Variants in SLMAP observed in about 807,000 individuals in gnomAD.
The protein encoded by SLMAP is sarcolemma associated protein, also known as sarcolemmal membrane-associated protein.
Under a neutral mutation model 128.8 loss-of-function variants are expected in SLMAP, and 44 were observed. The observed-to-expected ratio is 0.34, with a 90% confidence interval of 0.27 to 0.44. The LOEUF (loss-of-function observed/expected upper bound fraction) is 0.44, where lower values mean the gene tolerates loss of function less well. SLMAP is among the 20% of genes least tolerant of loss of function. The pLI is 1.00. For synonymous variants in SLMAP, 327 were observed against 348.8 expected (o/e 0.94, Z 0.70); for missense variants, 787 against 985.3 (o/e 0.80, Z 2.69).
At chr3:57,859,624 A>G (rs1486969981) in intron 8 of SLMAP, among the ~76,000 whole-genome samples, 1 of 152,146 alleles carries the variant, frequency 6.6e-6, no homozygotes, top group Non-Finnish European at 1.5e-5. Context: ...ACCAAATACC[A>G]CATGTTCTCA....
intron 2 of SLMAP, among the ~76,000 whole-genome samples, chr3:57,827,475 C>T (rs1055123822): frequency 6.6e-6 from 1 of 152,178 alleles, no homozygotes; most frequent in African/African-American, 2.4e-5. Context: ...CAGGGGTAAA[C>T]CTTTCAATTC....
intron 22 of SLMAP, chr3:57,918,474 T>G (rs2096855209): frequency 6.6e-6 from 1 of 152,234 alleles, no homozygotes; most frequent in Non-Finnish European, 1.5e-5. Context: ...TGCAGCACAT[T>G]TAAAAATATG....
intron 2 of SLMAP, among the ~76,000 whole-genome samples, chr3:57,829,764 A>G (rs2093205951): frequency 6.6e-6 from 1 of 152,210 alleles, no homozygotes; most frequent in South Asian, 2.1e-4. Context: ...CTACCAATTA[A>G]TGAAATGAAA....
At chr3:57,869,588 A>T (rs945994313) in intron 13 of SLMAP, among the ~76,000 whole-genome samples, 1 of 139,342 alleles carries the variant, frequency 7.2e-6, no homozygotes, top group Non-Finnish European at 1.5e-5. Context: ...GTGAATAACT[A>T]CTGCACTTGA....
chr3:57,923,573 A>G (rs1335998738), intron 23 of SLMAP, among the ~76,000 whole-genome samples: 1 of 152,098 alleles, frequency 6.6e-6, no homozygotes, highest in African/African-American at 2.4e-5. Context: ...TTTGTTTTTC[A>G]TTTGCTAGAA....
In SLMAP at chr3:57,828,729, C is replaced by T. The variant is rs188168712; in HGVS notation, c.199-2654C>T. On this transcript the variant is annotated intron_variant, in intron 2 of 24. Coordinates refer to ENST00000671191, the MANE Select transcript of SLMAP (RefSeq NM_001377540.1). Reference sequence around the variant, plus strand: ...CAAAGGTACCATGGTATGCTTTGGACGGTAATATAGACATGTCAGAATGAA... The same window carrying T: ...CAAAGGTACCATGGTATGCTTTGGATGGTAATATAGACATGTCAGAATGAA... Among the ~76,000 whole-genome samples the T allele has an allele frequency of 2.2e-3, 340 of 152,020 alleles. 2 individuals are homozygous for T. The highest frequency in any genetic ancestry group is 3.7e-3 in the Non-Finnish European group (249 of 67,970).
chr3:57,909,224 C>A, intron 19 of SLMAP, 74 bp downstream of exon 19: 1 of 1,081,130 alleles, frequency 9.2e-7, no homozygotes, highest in Non-Finnish European at 1.4e-6. Flanking sequence ...GAATGGAGGC[C>A]AGGCGCAGTG....
At position 57,928,529 on chromosome 3, in the gene SLMAP, T is replaced by C. The variant is rs1408408881; in HGVS notation, c.*1240T>C. 6.6e-6 allele frequency: 1 copy of C among 152,206 alleles called. No individual in the cohort carries two copies. The highest frequency in any genetic ancestry group is 1.9e-4 in the East Asian group (1 of 5,198). The allele number at this position is 152,206 out of a possible 1,614,324, so 9.4% of individuals were successfully genotyped here. A position where few individuals can be genotyped will look rare whatever the true frequency, so the allele number is the denominator to read the frequency against. On this transcript the variant is annotated 3_prime_UTR_variant, in exon 25 of 25. Transcript: ENST00000671191. ...AGTGTTCTATGCACAATGAAGCACC[T>C]AAAAACACTGCTTGATATTATAAAT... is the stretch of plus-strand genomic sequence containing the variant.
At chr3:57,869,185 C>T (rs766632839) in intron 13 of SLMAP, among the ~76,000 whole-genome samples, 4 of 150,512 alleles carry the variant, frequency 2.7e-5, no homozygotes, top group Admixed American at 6.7e-5. Flanking sequence ...GTCTGATGTT[C>T]GAGGACAGGA....
Position 57,823,887 on chromosome 3 carries a change from T to C in SLMAP, c.199-7496T>C, listed in dbSNP as rs893413636. Among the ~76,000 whole-genome samples, 3 of 152,318 alleles carry C rather than the reference T, an allele frequency of 2.0e-5. No individual in the cohort carries two copies. The East Asian group carries it at 5.8e-4, about 29-fold the overall frequency. On this transcript the variant is annotated intron_variant, in intron 2 of 24. Coordinates refer to ENST00000671191, the MANE Select transcript of SLMAP (RefSeq NM_001377540.1). ...CACATCCTCTCCAGCACCTGTTGTT[T>C]CCTGACATTTTAATGATCGCCATTC...
chr3:57,866,202 G>A (rs1219891423), intron 13 of SLMAP, among the ~76,000 whole-genome samples: 2 of 152,116 alleles, frequency 1.3e-5, no homozygotes, highest in Non-Finnish European at 1.5e-5. Flanking sequence ...AGCCCAGGAG[G>A]TTGAGGCAGC....
At chr3:57,848,978 G>C (rs907015239) in intron 5 of SLMAP, among the ~76,000 whole-genome samples, 1 of 151,812 alleles carries the variant, frequency 6.6e-6, no homozygotes, top group Non-Finnish European at 1.5e-5. Context: ...CAAAGTGCTG[G>C]GATTACAGGC....
At chr3:57,807,669 A>C (rs1391009009) in intron 2 of SLMAP, among the ~76,000 whole-genome samples, 1 of 152,116 alleles carries the variant, frequency 6.6e-6, no homozygotes, top group Non-Finnish European at 1.5e-5. Context: ...AAGCTTTTTG[A>C]TGTGCTGCTG....
At chr3:57,880,169 TTTTTG>T (rs74656522) in intron 14 of SLMAP, among the ~76,000 whole-genome samples, 5,666 of 148,058 alleles carry the variant, frequency 0.038, 216 homozygotes, top group Admixed American at 0.11. Flanking sequence ...TTGTATGTCA[TTTTTG>T]TTTTGTTTTG....
At chr3:57,896,423 G>C (rs2096245378) in intron 15 of SLMAP, 88 bp from the exon 16 acceptor site, 1 of 1,451,978 alleles carries the variant, frequency 6.9e-7, no homozygotes, top group South Asian at 1.5e-5. Flanking sequence ...CGTACCTGTA[G>C]ATTTTGAGCA....
chr3:57,911,923 TAAAAAAAAAAAA>T (rs57106769), intron 19 of SLMAP, among the ~76,000 whole-genome samples: 19 of 52,394 alleles, frequency 3.6e-4, no homozygotes, highest in Admixed American at 1.2e-3. Flanking sequence ...GGATTCACCC[TAAAAAAAAAAAA>T]AAAAAAAAAA....
intron 2 of SLMAP, among the ~76,000 whole-genome samples, chr3:57,773,654 A>G (rs2081300715): frequency 6.6e-6 from 1 of 152,194 alleles, no homozygotes; most frequent in Non-Finnish European, 1.5e-5. Context: ...AGTATGTCCT[A>G]AGGTGGGTTA....
rs1332858596 is a variant in SLMAP, at chr3:57,928,822, A to G, written c.*1533A>G. 1 of 152,572 alleles carries G rather than the reference A, an allele frequency of 6.6e-6. No individual in the cohort carries two copies. The highest frequency in any genetic ancestry group is 1.9e-4 in the East Asian group (1 of 5,200). 9.5% of individuals were successfully genotyped at this position (152,572 alleles called of 1,614,324 possible). ...TACTTTAAAGGTTATATTTTAAGCTATTTGAGATTGCTTTTGGGAAGATCA... is the reference window on the plus strand; with the variant it reads ...TACTTTAAAGGTTATATTTTAAGCTGTTTGAGATTGCTTTTGGGAAGATCA... On this transcript the variant is annotated 3_prime_UTR_variant, in exon 25 of 25. Coordinates refer to ENST00000671191, the MANE Select transcript of SLMAP (RefSeq NM_001377540.1).
chr3:57,804,525 C>G (rs2089372194), intron 2 of SLMAP, among the ~76,000 whole-genome samples: 1 of 152,166 alleles, frequency 6.6e-6, no homozygotes, highest in Admixed American at 6.5e-5. Context: ...CAGGAGGTCA[C>G]TTGAGCCTAG....
Sources: allele counts gnomAD v4.1 joint callset (sites outside exome capture counted in the v4.1 genomes callset), GRCh38; gene constraint gnomAD v4.1.1; transcripts MANE v1.5; gene names NCBI Gene and HGNC (gene_info 2026-07-23, HGNC 2026-07-21).